The following NAALADL2 variants were observed in gnomAD, a reference collection of about 807,000 sequenced individuals.
NAALADL2 encodes the protein N-acetylated alpha-linked acidic dipeptidase like 2.
A neutral mutation model predicts 87.2 loss-of-function variants in NAALADL2; 76 were observed. The observed-to-expected ratio is 0.87, with a 90% CI of 0.72 to 1.05. NAALADL2 has a LOEUF of 1.05. NAALADL2 is among the 50% of genes least tolerant of loss of function. NAALADL2 has a pLI of 0.00. For synonymous variants in NAALADL2, 354 were observed against 331.0 expected, an observed-to-expected ratio of 1.07 and a Z score of -0.75; for missense variants, 1,089 against 945.8, an observed-to-expected ratio of 1.15 and a Z score of -1.99.
intron 1 of NAALADL2, among the ~76,000 whole-genome samples, chr3:174,909,949 A>G (rs1257748848): frequency 6.6e-6 from 1 of 152,120 alleles, no homozygotes; most frequent in African/African-American, 2.4e-5. Flanking sequence ...TATTTTTTAA[A>G]ATATACATTT....
At chr3:175,353,524 G>A (rs1300681219) in intron 5 of NAALADL2, among the ~76,000 whole-genome samples, 3 of 152,166 alleles carry the variant, frequency 2.0e-5, no homozygotes, top group African/African-American at 7.2e-5. Flanking sequence ...AAGGTGAGAA[G>A]ACTAAGACAT....
chr3:174,784,050 C>T (rs1474194364), intron 3 of NAALADL2, among the ~76,000 whole-genome samples: 2 of 152,082 alleles, frequency 1.3e-5, no homozygotes, highest in Non-Finnish European at 2.9e-5. Context: ...AACCACAAAA[C>T]CTATATTGAA....
chr3:175,412,173 A>G (rs1312500025), intron 5 of NAALADL2, among the ~76,000 whole-genome samples: 1 of 152,222 alleles, frequency 6.6e-6, no homozygotes, highest in African/African-American at 2.4e-5. Context: ...TGACGTCTCA[A>G]CAAGTGTGGG....
At chr3:175,657,386 C>A (rs748354110) in intron 11 of NAALADL2, among the ~76,000 whole-genome samples, 1 of 152,068 alleles carries the variant, frequency 6.6e-6, no homozygotes, top group African/African-American at 2.4e-5. Context: ...TGTAAAACAA[C>A]TTTTTATTTT....
intron 2 of NAALADL2, among the ~76,000 whole-genome samples, chr3:175,106,245 G>A (rs1212710984): frequency 6.6e-6 from 1 of 151,890 alleles, no homozygotes; most frequent in Non-Finnish European, 1.5e-5. Flanking sequence ...GAGTGTTAAG[G>A]ATCAAAATGT....
intron 9 of NAALADL2, among the ~76,000 whole-genome samples, chr3:175,476,488 A>G (rs1421398644): frequency 6.6e-6 from 1 of 152,202 alleles, no homozygotes; most frequent in Admixed American, 6.5e-5. Flanking sequence ...ATTATATGAC[A>G]GTGGCAAAAA....
intron 13 of NAALADL2, among the ~76,000 whole-genome samples, chr3:175,791,080 G>A (rs748631093): frequency 2.0e-5 from 3 of 152,052 alleles, no homozygotes; most frequent in South Asian, 2.1e-4. Context: ...TAAAAGTTTC[G>A]CAGGTTATTC....
chr3:175,196,071 T>C (rs1053788807), intron 2 of NAALADL2, among the ~76,000 whole-genome samples: 1 of 151,926 alleles, frequency 6.6e-6, no homozygotes, highest in Non-Finnish European at 1.5e-5. Context: ...AGATTGTCCC[T>C]TACTGGCAAG....
At chr3:174,449,922 TA>T (rs1715356836) in intron 1 of NAALADL2, among the ~76,000 whole-genome samples, 2 of 152,262 alleles carry the variant, frequency 1.3e-5, no homozygotes, top group South Asian at 4.1e-4. Flanking sequence ...ATTTAAACAT[TA>T]ATTCCAGATC....
At chr3:174,608,231 A>G (rs1239360093) in intron 2 of NAALADL2, among the ~76,000 whole-genome samples, 1 of 152,084 alleles carries the variant, frequency 6.6e-6, no homozygotes, top group Non-Finnish European at 1.5e-5. Flanking sequence ...TACAAAATTG[A>G]CACCCTAACA....
intron 2 of NAALADL2, among the ~76,000 whole-genome samples, chr3:175,175,787 T>A (rs1358394739): frequency 6.6e-6 from 1 of 152,172 alleles, no homozygotes; most frequent in Non-Finnish European, 1.5e-5. Flanking sequence ...CATTATGTTC[T>A]GAACATACAG....
chr3:174,898,513 G>C (rs1731899970), intron 1 of NAALADL2, among the ~76,000 whole-genome samples: 1 of 152,056 alleles, frequency 6.6e-6, no homozygotes, highest in African/African-American at 2.4e-5. Context: ...TAATTCGATT[G>C]TTTGTAACTC....
chr3:174,490,569 T>C (rs1391951239), intron 1 of NAALADL2, among the ~76,000 whole-genome samples: 2 of 152,110 alleles, frequency 1.3e-5, no homozygotes, highest in African/African-American at 4.8e-5. Flanking sequence ...TCAATAAAGA[T>C]CTTTTTTTAA....
At chr3:175,616,720 CTG>C (rs1725400349) in intron 10 of NAALADL2, among the ~76,000 whole-genome samples, 1 of 152,136 alleles carries the variant, frequency 6.6e-6, no homozygotes, top group African/African-American at 2.4e-5. Context: ...CCCAGACCCT[CTG>C]CGATTCCATG....
At chr3:175,603,453 C>A (rs1723232993) in intron 10 of NAALADL2, among the ~76,000 whole-genome samples, 1 of 152,124 alleles carries the variant, frequency 6.6e-6, no homozygotes, top group Admixed American at 6.5e-5. Context: ...ATTCTATACC[C>A]AGTAAACAAT....
chr3:174,606,059 G>C (rs1330331999), intron 2 of NAALADL2, among the ~76,000 whole-genome samples: 1 of 152,214 alleles, frequency 6.6e-6, no homozygotes, highest in Non-Finnish European at 1.5e-5. Flanking sequence ...CAGGCAAACA[G>C]GGTCTGGAGT....
chr3:174,529,936 C>T (rs753201040), intron 1 of NAALADL2, among the ~76,000 whole-genome samples: 5 of 152,168 alleles, frequency 3.3e-5, no homozygotes, highest in Non-Finnish European at 5.9e-5. Context: ...CTCTGACCTG[C>T]CTTGGAGACA....
At chr3:175,110,926 C>T (rs1419445498) in intron 2 of NAALADL2, among the ~76,000 whole-genome samples, 1 of 151,526 alleles carries the variant, frequency 6.6e-6, no homozygotes, top group East Asian at 1.9e-4. Flanking sequence ...ATTTTTTCTG[C>T]CTGATGGTTC....
chr3:174,969,383 C>T (rs539631838), intron 1 of NAALADL2, among the ~76,000 whole-genome samples: 56 of 152,196 alleles, frequency 3.7e-4, no homozygotes, highest in African/African-American at 1.2e-3. Context: ...TTTATCTCCT[C>T]AACTAAGTGC....
Sources: gnomAD v4.1 joint callset for allele counts (sites outside exome capture counted in the v4.1 genomes callset) on GRCh38, gnomAD v4.1.1 for gene constraint, MANE v1.5 for transcripts, NCBI Gene and HGNC (gene_info 2026-07-23, HGNC 2026-07-21) for gene names.